Variants in PIK3R6 observed in about 807,000 individuals in gnomAD.
PIK3R6 encodes the protein phosphoinositide-3-kinase regulatory subunit 6.
PIK3R6 carries 91 observed loss-of-function variants against 84.9 expected under a neutral mutation model. The observed-to-expected ratio is 1.07, with a 90% CI of 0.90 to 1.28. The LOEUF (loss-of-function observed/expected upper bound fraction) is 1.28, where lower values mean the gene tolerates loss of function less well. Among genes scored for constraint, PIK3R6 ranks in the 50% most tolerant of loss-of-function variants. The pLI, the probability that PIK3R6 is intolerant of heterozygous loss-of-function variation, is 0.00. For synonymous variants in PIK3R6, 416 were observed against 411.4 expected, an observed-to-expected ratio of 1.01 and a Z score of -0.13; for missense variants, 996 against 985.1, an observed-to-expected ratio of 1.01 and a Z score of -0.15.
chr17:8,852,083 G>A (rs1263632310), intron 1 of PIK3R6, among the ~76,000 whole-genome samples: 6 of 152,134 alleles, frequency 3.9e-5, no homozygotes, highest in Admixed American at 2.6e-4. Flanking sequence ...AATTCACAGA[G>A]GCAGAGACAG....
chr17:8,828,511 G>A lies in PIK3R6; in HGVS notation c.1313+56C>T, dbSNP rs2088028679. The A allele has an allele frequency of 6.3e-6, 10 of 1,579,354 alleles. No homozygotes were observed. The South Asian group carries it at 1.1e-4, about 18-fold the overall frequency. ...TGTGATCCTTCACCAGCCCACGCCA[G>A]GCCCACCTGTGCCCCTGACCAGCGC... On this transcript the variant is annotated intron_variant, in intron 11 of 19. Transcript: ENST00000619866.
rs184720276 is a variant in PIK3R6, at chr17:8,842,276, T to C, written c.14-2579A>G. 1.2e-3 allele frequency among the ~76,000 whole-genome samples: 177 copies of C among 152,308 alleles called. No individual in the cohort carries two copies. Among genetic ancestry groups the C allele is most frequent in the Non-Finnish European group, 1.7e-3 (117 of 68,022 alleles). On this transcript the variant is annotated intron_variant, in intron 2 of 19. Coordinates refer to ENST00000619866, the MANE Select transcript of PIK3R6 (RefSeq NM_001010855.4). This position sits in a 1 kb window ranked among gnomAD's most constrained non-coding sequence, Gnocchi z 4.5. ...AAGACAGCTGTGAAATCCATCACTT[T>C]CTGCTGAGCCACGCCTCCCAGCCAA...
intron 1 of PIK3R6, among the ~76,000 whole-genome samples, chr17:8,858,663 T>C (rs2089201733): frequency 6.6e-6 from 1 of 152,054 alleles, no homozygotes; most frequent in African/African-American, 2.4e-5. Flanking sequence ...CACCGTGCCA[T>C]AAAACGGTGG....
At position 8,828,934 on chromosome 17, in the gene PIK3R6, A is replaced by G; in HGVS notation, c.946T>C (p.Leu316=). Residue 316 remains leucine, a synonymous_variant, in exon 11 of 20, where the codon TTG becomes CTG. Transcript: ENST00000619866. ...AGGCCCTGCAGATCCAAGACCTCCA[A>G]GTCAGCACTGAGGCGCAGCTGGGAT... ...PRSQLRLSAD[L]EVLDLQGLRP... is the part of the protein sequence containing the mutation. 6.6e-7 allele frequency: 1 copy of G among 1,520,892 alleles called. No homozygotes were observed. Among genetic ancestry groups the G allele is most frequent in the East Asian group, 2.3e-5 (1 of 43,266 alleles). The allele number at this position is 1,520,892 out of a possible 1,614,324, so 94.2% of individuals were successfully genotyped here. A position where few individuals can be genotyped will look rare whatever the true frequency, so the allele number is the denominator to read the frequency against.
At chr17:8,823,277 C>T (rs937665001) in intron 14 of PIK3R6, 110 bp downstream of exon 14, 7 of 858,790 alleles carry the variant, frequency 8.2e-6, no homozygotes, top group East Asian at 2.6e-5. Flanking sequence ...TAACCAAGAG[C>T]GTCTGGGTGT....
intron 18 of PIK3R6, among the ~76,000 whole-genome samples, chr17:8,817,725 T>C (rs2087588277): frequency 6.6e-6 from 1 of 152,178 alleles, no homozygotes; most frequent in South Asian, 2.1e-4. Context: ...GACCACTGGT[T>C]TTGGCAACAT....
At chr17:8,820,523 G>A (rs567195525) in intron 17 of PIK3R6, among the ~76,000 whole-genome samples, 8 of 152,192 alleles carry the variant, frequency 5.3e-5, no homozygotes, top group East Asian at 1.9e-4. Flanking sequence ...CTGGCACCGC[G>A]CCCTTGATGG....
intron 17 of PIK3R6, among the ~76,000 whole-genome samples, chr17:8,821,326 C>T (rs1481208997): frequency 5.3e-5 from 8 of 152,128 alleles, no homozygotes; most frequent in Admixed American, 3.3e-4. Context: ...GTTACTAATA[C>T]TAATAGTATC....
intron 18 of PIK3R6, among the ~76,000 whole-genome samples, chr17:8,807,536 G>C (rs142542785): frequency 1.3e-5 from 2 of 152,266 alleles, no homozygotes; most frequent in East Asian, 3.9e-4. Flanking sequence ...ATTAGGAAAG[G>C]CCTCCTGAGG....
In PIK3R6 at chr17:8,837,860, C is replaced by G; in HGVS notation, c.201G>C (p.Gln67His). The G allele has an allele frequency of 1.9e-6, 3 of 1,613,876 alleles. No homozygotes were observed. The highest frequency in any genetic ancestry group is 2.5e-6 in the Non-Finnish European group (3 of 1,179,752). The part of the protein sequence containing the change: ...LLRELEKAES[Q>H]DLRHVIIPLL... Reference sequence around the variant, plus strand: ...AGGGAATGATGACATGCCGGAGGTCCTGGCTTTCCGCCTGGAAAACAGGAG... The same window carrying G: ...AGGGAATGATGACATGCCGGAGGTCGTGGCTTTCCGCCTGGAAAACAGGAG... The change falls in exon 5 of 20, where the codon CAG becomes CAC. Residue 67 changes from glutamine to histidine, a missense_variant. Physicochemically the swap from Gln to His is conservative, Grantham distance 24. Coordinates refer to ENST00000619866, the MANE Select transcript of PIK3R6 (RefSeq NM_001010855.4).
rs954025894 is a variant in PIK3R6, at chr17:8,857,728, G to A, written c.-91-7843C>T. 3.3e-5 allele frequency among the ~76,000 whole-genome samples: 5 copies of A among 151,980 alleles called. No homozygotes were observed. In the East Asian group the frequency reaches 7.7e-4, roughly 23 times the overall value. On this transcript the variant is annotated intron_variant, in intron 1 of 19. Transcript: ENST00000619866. ...ATCCTAGCTAACATGGTGAAACCCC[G>A]TCTCTACTAAAAATACAAAAAATTA...
At chr17:8,819,776 G>A (rs990155922) in intron 17 of PIK3R6, among the ~76,000 whole-genome samples, 6 of 128,802 alleles carry the variant, frequency 4.7e-5, no homozygotes, top group African/African-American at 8.9e-5. Context: ...GTATATATAC[G>A]CACACATATA....
chr17:8,855,810 A>G (rs937881052), intron 1 of PIK3R6, among the ~76,000 whole-genome samples: 3 of 152,240 alleles, frequency 2.0e-5, no homozygotes, highest in Non-Finnish European at 4.4e-5. Flanking sequence ...CACTTACTGT[A>G]TGATCCCGTA....
chr17:8,833,528 C>A (rs868430112), intron 8 of PIK3R6, among the ~76,000 whole-genome samples: 2 of 150,454 alleles, frequency 1.3e-5, no homozygotes, highest in Non-Finnish European at 2.9e-5. Context: ...GGAAGCCCCC[C>A]CTGAGAAAGT....
At chr17:8,841,628 T>C (rs924270954) in intron 2 of PIK3R6, among the ~76,000 whole-genome samples, 1 of 152,178 alleles carries the variant, frequency 6.6e-6, no homozygotes, top group Non-Finnish European at 1.5e-5. Context: ...TGCAATAGTC[T>C]TGGATAAGTC....
At chr17:8,832,448 T>C (rs2088277110) in intron 9 of PIK3R6, among the ~76,000 whole-genome samples, 1 of 141,336 alleles carries the variant, frequency 7.1e-6, no homozygotes, top group Admixed American at 7.4e-5. Context: ...AGTAGTGTGA[T>C]CTCGGCTCAC....
intron 1 of PIK3R6, among the ~76,000 whole-genome samples, chr17:8,863,603 C>T (rs9894297): frequency 0.24 from 36,686 of 151,766 alleles, 5,203 homozygotes; most frequent in Non-Finnish European, 0.31. Context: ...GGTGCGATCT[C>T]GGCTCACTGT....
Position 8,828,596 on chromosome 17 carries a change from C to A in PIK3R6, c.1284G>T (p.Gly428=). ...GTCTGTGGTAGGCCTGGGCCAGGCG[C>A]CCCAGCATCCTGTCATCTCCGAGCA... ...VLVLGDDRML[G]RLAQAYHRLR... Residue 428 remains glycine (G), a synonymous_variant, in exon 11 of 20, where the codon GGG becomes GGT. Transcript: ENST00000619866. The A allele has an allele frequency of 6.2e-7, 1 of 1,613,096 alleles. No individual in the cohort carries two copies. The highest frequency in any genetic ancestry group is 8.5e-7 in the Non-Finnish European group (1 of 1,179,628).
intron 12 of PIK3R6, among the ~76,000 whole-genome samples, chr17:8,827,860 C>G (rs912791958): frequency 7.9e-5 from 11 of 140,024 alleles, no homozygotes; most frequent in Non-Finnish European, 1.6e-5. Context: ...CCATTACCTA[C>G]AAAAACAAAA....
Sources: gnomAD v4.1 joint callset for allele counts (sites outside exome capture counted in the v4.1 genomes callset) on GRCh38, gnomAD v4.1.1 for gene constraint, Gnocchi (gnomAD v3.1) non-coding constraint, MANE v1.5 for transcripts, NCBI Gene and HGNC (gene_info 2026-07-23, HGNC 2026-07-21) for gene names.